The following TMEM214 variants were observed in gnomAD, a reference collection of about 807,000 sequenced individuals.
The protein encoded by TMEM214 is transmembrane protein 214.
In TMEM214, 71 loss-of-function variants were observed where a neutral mutation model predicts 89.8. The ratio of observed to expected loss-of-function variants is 0.79; its 90% CI spans 0.65 to 0.96. The LOEUF is 0.96. Among genes scored for constraint, TMEM214 ranks in the 40% least tolerant of loss-of-function variants. TMEM214 has a pLI of 0.00. For missense variants in TMEM214, 754 were observed against 843.4 expected (o/e 0.89, Z 1.31); for synonymous variants, 332 against 349.5 (o/e 0.95, Z 0.56).
chr2:27,040,321 C>T, intron 15 of TMEM214, 24 bp from the exon 16 acceptor site: 2 of 1,613,684 alleles, frequency 1.2e-6, no homozygotes, highest in Non-Finnish European at 1.7e-6. Context: ...GATACTCTGA[C>T]CCCATCCATT....
At chr2:27,034,437 C>T (rs1326505613) in intron 2 of TMEM214, 171 bp downstream of exon 2, 4 of 719,250 alleles carry the variant, frequency 5.6e-6, no homozygotes, top group African/African-American at 3.6e-5. Flanking sequence ...AATGCCTGCA[C>T]TTAGAATAGA....
rs374564413 is a variant in TMEM214 at position 27,040,341 on chromosome 2, C to T, written c.1792-4C>T. 6.2e-7 allele frequency: 1 copy of T among 1,614,102 alleles called. No individual in the cohort carries two copies. The highest frequency in any genetic ancestry group is 1.1e-5 in the South Asian group (1 of 91,076). On this transcript the variant is annotated splice_polypyrimidine_tract_variant and splice_region_variant and intron_variant, in intron 15 of 16. Transcript: ENST00000238788. ...TCTGACCCCATCCATTCTCCATGGT[C>T]CAGCTACAGATCCAGCTCCCCGATT...
chr2:27,033,270 C>T, intron 1 of TMEM214, 104 bp downstream of exon 1: 2 of 1,126,150 alleles, frequency 1.8e-6, no homozygotes, highest in East Asian at 3.2e-5. Flanking sequence ...CATCCCCGAG[C>T]GCCACGCTTG....
At chr2:27,035,054 A>AT in intron 2 of TMEM214, 81 bp from the exon 3 acceptor site, 1 of 1,555,148 alleles carries the variant, frequency 6.4e-7, no homozygotes, top group African/African-American at 1.4e-5. Flanking sequence ...TAGTTCAACC[A>AT]TTTTCCCACC....
Position 27,038,854 on chromosome 2 carries a change from T to TA in TMEM214, c.1407+40dup, listed in dbSNP as rs759748212. 1.3e-6 allele frequency: 2 copies of TA among 1,572,956 alleles called. No individual in the cohort carries two copies. Among genetic ancestry groups the TA allele is most frequent in the Non-Finnish European group, 1.7e-6 (2 of 1,144,698 alleles). ...GTCCTCTCCAGCCCACACGCTATCT[T>TA]ACATCTCTGTCTCAGCACACCTGGG... is the stretch of plus-strand genomic sequence containing the variant. On this transcript the variant is annotated intron_variant, in intron 12 of 16. Transcript: ENST00000238788. The surrounding 1 kb of genome is among the most constrained non-coding windows in gnomAD (Gnocchi z 4.4).
Position 27,040,414 on chromosome 2 carries a change from C to T in TMEM214, c.1861C>T (p.His621Tyr). The T allele has an allele frequency of 6.2e-7, 1 of 1,614,248 alleles. No homozygotes were observed. Among genetic ancestry groups the T allele is most frequent in the East Asian group, 2.2e-5 (1 of 44,886 alleles). ...RYLRELPLLFHQNVLLPLWHL... is the reference protein window; with the variant it reads ...RYLRELPLLFYQNVLLPLWHL... ...TCTGAGAGAGCTGCCCCTGCTTTTC[C>T]ACCAGAATGTGCTGCTGCCACTGTG... The change falls in exon 16 of 17, where the codon CAC (histidine) becomes TAC (tyrosine). Residue 621 changes from histidine to tyrosine, a missense_variant. His to Tyr is a moderately conservative substitution (Grantham distance 83, BLOSUM62 2). Coordinates refer to ENST00000238788, the MANE Select transcript of TMEM214 (RefSeq NM_017727.5).
At chr2:27,037,843 C>A in intron 9 of TMEM214, 141 bp downstream of exon 9, 1 of 1,573,030 alleles carries the variant, frequency 6.4e-7, no homozygotes, top group South Asian at 1.2e-5. Context: ...CTGCCCCGCT[C>A]ACTCGAGCTT....
rs1431173627 is a variant in TMEM214, at chr2:27,038,410, A to C, written c.1245-74A>C. 1 of 1,593,752 alleles carries C rather than the reference A, an allele frequency of 6.3e-7. No homozygotes were observed. On this transcript the variant is annotated intron_variant, in intron 10 of 16. Coordinates refer to ENST00000238788, the MANE Select transcript of TMEM214 (RefSeq NM_017727.5). The surrounding 1 kb of genome is among the most constrained non-coding windows in gnomAD (Gnocchi z 4.4). ...GAGGGTCTTTCAGCCTGAAGGAGCCAGGGCTAATGGAGGACAGGAGGATGG... is the reference window on the plus strand; with the variant it reads ...GAGGGTCTTTCAGCCTGAAGGAGCCCGGGCTAATGGAGGACAGGAGGATGG...
chr2:27,039,944 G>A (rs1344723023), intron 14 of TMEM214, 86 bp from the exon 15 acceptor site: 7 of 1,593,696 alleles, frequency 4.4e-6, no homozygotes, highest in East Asian at 4.5e-5. Context: ...CCTTTCCCAC[G>A]GCCTCCCTTT....
At chr2:27,036,613 A>G (rs1232406389) in intron 6 of TMEM214, 21 bp downstream of exon 6, 2 of 1,613,674 alleles carry the variant, frequency 1.2e-6, no homozygotes, top group Non-Finnish European at 1.7e-6. Flanking sequence ...AATAGGGAAG[A>G]AAGAGGGAGG....
Position 27,038,955 on chromosome 2 carries a change from C to G in TMEM214, c.1408-92C>G. On this transcript the variant is annotated intron_variant, in intron 12 of 16. Transcript: ENST00000238788. The surrounding 1 kb of genome is among the most constrained non-coding windows in gnomAD (Gnocchi z 4.4). ...TCCAGGATAATGTGAAGGCTTGACG[C>G]TCTTTCGGGAAGGCCTGGCTTGAGG... The G allele has an allele frequency of 6.7e-7, 1 of 1,491,700 alleles. No homozygotes were observed. The highest frequency in any genetic ancestry group is 1.1e-5 in the South Asian group (1 of 87,928). 92.4% of individuals were successfully genotyped at this position (1,491,700 alleles called of 1,614,324 possible). A position where few individuals can be genotyped will look rare whatever the true frequency, so the allele number is the denominator to read the frequency against.
At chr2:27,035,891 C>A in intron 4 of TMEM214, 79 bp from the exon 5 acceptor site, 1 of 1,582,528 alleles carries the variant, frequency 6.3e-7, no homozygotes, top group Non-Finnish European at 8.7e-7. Flanking sequence ...GGGGCCTGGG[C>A]TCACCGCTGA....
chr2:27,040,511 C>T lies in TMEM214; in HGVS notation c.1943+15C>T, dbSNP rs1051648533. On this transcript the variant is annotated intron_variant, in intron 16 of 16. Transcript: ENST00000238788. The stretch of plus-strand genomic sequence containing the variant: ...GAGGCATGCAGGTGAGACCTTTGCC[C>T]AGGGCTCCGGCAGGATCCCCAGCAG... 1 of 1,611,644 alleles carries T rather than the reference C, an allele frequency of 6.2e-7. No homozygotes were observed. The highest frequency in any genetic ancestry group is 8.5e-7 in the Non-Finnish European group (1 of 1,179,642).
Position 27,038,840 on chromosome 2 carries a change from C to T in TMEM214, c.1407+25C>T. The T allele has an allele frequency of 1.3e-6, 2 of 1,590,098 alleles. No homozygotes were observed. Among genetic ancestry groups the T allele is most frequent in the Non-Finnish European group, 1.7e-6 (2 of 1,159,312 alleles). ...GGTGCTGGCACCCGGTCCTCTCCAG[C>T]CCACACGCTATCTTACATCTCTGTC... On this transcript the variant is annotated intron_variant, in intron 12 of 16. Coordinates refer to ENST00000238788, the MANE Select transcript of TMEM214 (RefSeq NM_017727.5). This position sits in a 1 kb window ranked among gnomAD's most constrained non-coding sequence, Gnocchi z 4.4.
At chr2:27,039,480 G>T (rs1478380020) in intron 13 of TMEM214, 4 of 596,030 alleles carry the variant, frequency 6.7e-6, no homozygotes, top group East Asian at 5.5e-5. Flanking sequence ...GTAAGTAGAA[G>T]GGCAGACCCT....
At chr2:27,033,803 C>G (rs1454461588) in intron 1 of TMEM214, among the ~76,000 whole-genome samples, 1 of 152,124 alleles carries the variant, frequency 6.6e-6, no homozygotes, top group African/African-American at 2.4e-5. Context: ...TCCAACCTCT[C>G]TGCTTGTTCC....
chr2:27,040,977 C>A lies in TMEM214; in HGVS notation c.*140C>A. On this transcript the variant is annotated 3_prime_UTR_variant, in exon 17 of 17. Coordinates refer to ENST00000238788, the MANE Select transcript of TMEM214 (RefSeq NM_017727.5). ...TAGGCAAGTGGCCAGTTGCCTCCAC[C>A]TCAGTTCTTCCATCTTTGGTGGGGA... 1 of 1,020,558 alleles carries A rather than the reference C, an allele frequency of 9.8e-7. No individual in the cohort carries two copies. Among genetic ancestry groups the A allele is most frequent in the Non-Finnish European group, 1.4e-6 (1 of 704,308 alleles). 63.2% of individuals were successfully genotyped at this position (1,020,558 alleles called of 1,614,324 possible).
chr2:27,040,718 G>T lies in TMEM214; in HGVS notation c.1951G>T (p.Val651Leu). The change falls in exon 17 of 17, where the codon GTG becomes TTG. Residue 651 changes from valine (V) to leucine (L), a missense_variant. Val to Leu is a conservative substitution (Grantham distance 32). Coordinates refer to ENST00000238788, the MANE Select transcript of TMEM214 (RefSeq NM_017727.5). The stretch of plus-strand genomic sequence containing the variant: ...GTTCCACTTTCCTTCCAGAGGTGAG[G>T]TGACCTGGGACTGCATGAAGACACA... ...EHCHEACRGE[V>L]TWDCMKTQLS... The T allele has an allele frequency of 1.2e-6, 2 of 1,613,970 alleles. No individual in the cohort carries two copies. Among genetic ancestry groups the T allele is most frequent in the South Asian group, 2.2e-5 (2 of 91,086 alleles).
intron 5 of TMEM214, 142 bp from the exon 6 acceptor site, chr2:27,036,345 C>A: frequency 1.3e-6 from 1 of 777,540 alleles, no homozygotes. Flanking sequence ...CAAACAGAAC[C>A]TGCACCACGT....
Sources: allele counts gnomAD v4.1 joint callset (sites outside exome capture counted in the v4.1 genomes callset), GRCh38; gene constraint gnomAD v4.1.1; non-coding constraint Gnocchi (gnomAD v3.1); transcripts MANE v1.5; gene names NCBI Gene and HGNC (gene_info 2026-07-23, HGNC 2026-07-21).